ADAMTS12: variants seen among roughly 807,000 people sequenced by gnomAD.
The protein encoded by ADAMTS12 is A disintegrin and metalloproteinase with thrombospondin motifs 12.
Under a neutral mutation model 167.8 loss-of-function variants are expected in ADAMTS12, and 118 were observed. The observed-to-expected ratio is 0.70, with a 90% confidence interval of 0.61 to 0.82. ADAMTS12 has a LOEUF of 0.82. Among genes scored for constraint, ADAMTS12 ranks in the 40% least tolerant of loss-of-function variants. The probability of loss-of-function intolerance (pLI) is 0.00; values close to 1 mark genes in which losing one functional copy is unlikely to be tolerated. For missense variants in ADAMTS12, 1,916 were observed against 1,998.8 expected, an observed-to-expected ratio of 0.96 and a Z score of 0.79; for synonymous variants, 704 against 716.9, an observed-to-expected ratio of 0.98 and a Z score of 0.29.
At chr5:33,545,435 C>G (rs1274326303) in intron 22 of ADAMTS12, among the ~76,000 whole-genome samples, 2 of 152,120 alleles carry the variant, frequency 1.3e-5, no homozygotes, top group African/African-American at 4.8e-5. Context: ...AGTTCAACCA[C>G]TGTGGAGGAC....
chr5:33,635,780 T>C (rs2112158667), intron 12 of ADAMTS12, among the ~76,000 whole-genome samples: 1 of 152,312 alleles, frequency 6.6e-6, no homozygotes, highest in Middle Eastern at 3.4e-3. Context: ...ATAGCAACTC[T>C]GTAGACAGAG....
intron 19 of ADAMTS12, among the ~76,000 whole-genome samples, chr5:33,569,415 C>A (rs1285907137): frequency 6.6e-6 from 1 of 152,198 alleles, no homozygotes; most frequent in African/African-American, 2.4e-5. Context: ...GAGGAACGAT[C>A]AGACAGCAGC....
At chr5:33,612,426 T>TTG (rs1441581986) in intron 16 of ADAMTS12, among the ~76,000 whole-genome samples, 1 of 152,180 alleles carries the variant, frequency 6.6e-6, no homozygotes, top group East Asian at 1.9e-4. Context: ...TTCTGAAATA[T>TTG]TGTGTGTGTG....
intron 13 of ADAMTS12, among the ~76,000 whole-genome samples, chr5:33,625,733 C>T (rs1444581600): frequency 1.3e-5 from 2 of 152,066 alleles, no homozygotes; most frequent in African/African-American, 4.8e-5. Context: ...CACCCATGTC[C>T]CCAACATTCT....
intron 3 of ADAMTS12, among the ~76,000 whole-genome samples, chr5:33,744,788 G>T (rs10052828): frequency 0.87 from 132,256 of 152,108 alleles, 57,712 homozygotes; most frequent in Non-Finnish European, 0.9. Context: ...AGCTAGAAAT[G>T]TTGTCATTTG....
intron 19 of ADAMTS12, among the ~76,000 whole-genome samples, chr5:33,563,803 T>C (rs1042601399): frequency 6.6e-6 from 1 of 152,190 alleles, no homozygotes; most frequent in Non-Finnish European, 1.5e-5. Flanking sequence ...AAACACTTAC[T>C]GAGTACTTCC....
intron 1 of ADAMTS12, among the ~76,000 whole-genome samples, chr5:33,888,625 C>T (rs1750729693): frequency 6.6e-6 from 1 of 152,110 alleles, no homozygotes; most frequent in Admixed American, 6.5e-5. Flanking sequence ...GAGTTCATCT[C>T]TAATATGGAA....
At chr5:33,618,132 G>C (rs751647208) in intron 14 of ADAMTS12, among the ~76,000 whole-genome samples, 1 of 152,146 alleles carries the variant, frequency 6.6e-6, no homozygotes. Context: ...ATTATATATT[G>C]AATTCTTATG....
At chr5:33,635,687 C>T (rs1048080754) in intron 12 of ADAMTS12, among the ~76,000 whole-genome samples, 3 of 152,108 alleles carry the variant, frequency 2.0e-5, no homozygotes, top group East Asian at 1.9e-4. Flanking sequence ...GTAAGGCCCT[C>T]GATATCTGGC....
At chr5:33,882,541 A>G (rs1180260445) in intron 1 of ADAMTS12, among the ~76,000 whole-genome samples, 2 of 152,198 alleles carry the variant, frequency 1.3e-5, no homozygotes, top group Non-Finnish European at 2.9e-5. Flanking sequence ...GAGGGAATTT[A>G]TCATCACTCT....
At chr5:33,543,814 C>T (rs1034244583) in intron 22 of ADAMTS12, among the ~76,000 whole-genome samples, 3 of 152,172 alleles carry the variant, frequency 2.0e-5, no homozygotes, top group Non-Finnish European at 4.4e-5. Context: ...TTCAACACCC[C>T]TTCATGCTAA....
chr5:33,815,907 C>G (rs1445910), intron 2 of ADAMTS12, among the ~76,000 whole-genome samples: 68,142 of 152,068 alleles, frequency 0.45, 15,644 homozygotes, highest in African/African-American at 0.47. Context: ...GTTCACATAC[C>G]AAGAAAATGT....
At chr5:33,809,628 T>C (rs1747372946) in intron 2 of ADAMTS12, among the ~76,000 whole-genome samples, 1 of 152,150 alleles carries the variant, frequency 6.6e-6, no homozygotes. Flanking sequence ...CAATATGGCC[T>C]TATGGATCTT....
intron 3 of ADAMTS12, among the ~76,000 whole-genome samples, chr5:33,708,166 C>T (rs1028544104): frequency 1.1e-4 from 16 of 152,156 alleles, no homozygotes; most frequent in Non-Finnish European, 2.1e-4. Flanking sequence ...CAAAGGAAGA[C>T]ATTTATGCAG....
At chr5:33,642,203 T>C (rs536232888) in intron 10 of ADAMTS12, among the ~76,000 whole-genome samples, 7 of 152,336 alleles carry the variant, frequency 4.6e-5, no homozygotes, top group East Asian at 1.9e-4. Flanking sequence ...CACAGTGTGG[T>C]TGGCAGATCG....
intron 3 of ADAMTS12, among the ~76,000 whole-genome samples, chr5:33,697,113 C>T (rs1430610250): frequency 6.6e-6 from 1 of 152,114 alleles, no homozygotes; most frequent in Non-Finnish European, 1.5e-5. Context: ...GTTCTCTTCT[C>T]AAAAATGGGA....
intron 1 of ADAMTS12, among the ~76,000 whole-genome samples, chr5:33,886,212 TA>T (rs879308577): frequency 2.6e-5 from 4 of 152,240 alleles, no homozygotes; most frequent in Non-Finnish European, 2.9e-5. Context: ...AACAAATTTA[TA>T]AATTTTGACC....
chr5:33,775,523 T>C (rs1281701572), intron 2 of ADAMTS12, among the ~76,000 whole-genome samples: 1 of 152,188 alleles, frequency 6.6e-6, no homozygotes, highest in East Asian at 1.9e-4. Flanking sequence ...GAGAGTGATA[T>C]GAACAAGGCG....
intron 3 of ADAMTS12, among the ~76,000 whole-genome samples, chr5:33,696,931 CT>C (rs1386430852): frequency 1.3e-5 from 2 of 152,080 alleles, no homozygotes; most frequent in Non-Finnish European, 2.9e-5. Flanking sequence ...GTTCAGCTTG[CT>C]TTTTTGGACT....
Sources: allele counts gnomAD v4.1 joint callset (sites outside exome capture counted in the v4.1 genomes callset), GRCh38; gene constraint gnomAD v4.1.1; transcripts MANE v1.5; gene names NCBI Gene and HGNC (gene_info 2026-07-23, HGNC 2026-07-21).